TMC1: variants seen among roughly 807,000 people sequenced by gnomAD.
TMC1 encodes transmembrane channel-like protein 1.
In TMC1, 84 loss-of-function variants were observed where a neutral mutation model predicts 105.8. The observed-to-expected ratio is 0.79, with a 90% CI of 0.67 to 0.95. TMC1 has a LOEUF of 0.95. Among genes scored for constraint, TMC1 ranks in the 40% least tolerant of loss-of-function variants. The pLI is 0.00. For synonymous variants in TMC1, 315 were observed against 311.5 expected (o/e 1.01, Z -0.12); for missense variants, 817 against 914.1 (o/e 0.89, Z 1.37).
At chr9:72,779,909 G>C (rs1828064956) in intron 13 of TMC1, among the ~76,000 whole-genome samples, 1 of 152,114 alleles carries the variant, frequency 6.6e-6, no homozygotes, top group South Asian at 2.1e-4. Flanking sequence ...AGAAAATTCA[G>C]AGAACCCCTG....
intron 4 of TMC1, among the ~76,000 whole-genome samples, chr9:72,629,144 G>T (rs1263741637): frequency 2.0e-5 from 3 of 152,102 alleles, no homozygotes; most frequent in Non-Finnish European, 4.4e-5. Flanking sequence ...TTCCAATAGG[G>T]TCTCAAGGAC....
intron 18 of TMC1, among the ~76,000 whole-genome samples, chr9:72,807,436 G>C (rs1828623809): frequency 6.6e-6 from 1 of 152,196 alleles, no homozygotes; most frequent in South Asian, 2.1e-4. Context: ...GAGAAGTTCA[G>C]ACTCGAGTAT....
At chr9:72,551,838 A>G (rs750682675) in intron 1 of TMC1, among the ~76,000 whole-genome samples, 1 of 152,176 alleles carries the variant, frequency 6.6e-6, no homozygotes, top group Non-Finnish European at 1.5e-5. Flanking sequence ...ACATAGACAC[A>G]TAGGGAAAAG....
At chr9:72,609,606 A>C (rs1442173004) in intron 2 of TMC1, among the ~76,000 whole-genome samples, 1 of 152,164 alleles carries the variant, frequency 6.6e-6, no homozygotes, top group Non-Finnish European at 1.5e-5. Flanking sequence ...AGAGGAAAGG[A>C]AAAGATTAAG....
intron 12 of TMC1, among the ~76,000 whole-genome samples, chr9:72,757,582 C>A (rs1467317635): frequency 6.6e-6 from 1 of 152,120 alleles, no homozygotes; most frequent in African/African-American, 2.4e-5. Flanking sequence ...ACACAACATT[C>A]ATTTAGTTTC....
intron 1 of TMC1, among the ~76,000 whole-genome samples, chr9:72,544,478 C>CTT (rs71493656): frequency 0.01 from 1,275 of 125,218 alleles, 31 homozygotes; most frequent in South Asian, 0.015. Flanking sequence ...GATTTTTTAA[C>CTT]TTTTTTTTTT....
chr9:72,567,727 G>A (rs1454760946), intron 1 of TMC1, among the ~76,000 whole-genome samples: 2 of 152,108 alleles, frequency 1.3e-5, no homozygotes, highest in African/African-American at 2.4e-5. Context: ...AATCCAAGGT[G>A]AAATTTTGGT....
intron 18 of TMC1, among the ~76,000 whole-genome samples, chr9:72,806,430 G>A (rs1828589700): frequency 6.6e-6 from 1 of 151,330 alleles, no homozygotes; most frequent in Admixed American, 6.6e-5. Flanking sequence ...CGGACGGGGT[G>A]GCTGCCGGGC....
chr9:72,607,002 T>TATATATATATAGAGAGAGAGAGAGAGAG (rs372785242), intron 2 of TMC1, among the ~76,000 whole-genome samples: 1 of 134,906 alleles, frequency 7.4e-6, no homozygotes, highest in Non-Finnish European at 1.6e-5. Context: ...TATATATATA[T>TATATATATATAGAGAGAGAGAGAGAGAG]AGAGAGAGAG....
chr9:72,764,764 A>G (rs1049543911), intron 12 of TMC1, among the ~76,000 whole-genome samples: 3 of 152,224 alleles, frequency 2.0e-5, no homozygotes, highest in Non-Finnish European at 4.4e-5. Context: ...TGTTCATTCA[A>G]TCACTCCACA....
chr9:72,765,080 C>T (rs958087230), intron 12 of TMC1, among the ~76,000 whole-genome samples: 2 of 152,180 alleles, frequency 1.3e-5, no homozygotes, highest in African/African-American at 2.4e-5. Flanking sequence ...AATTTTTCCA[C>T]ATTCATTATT....
intron 17 of TMC1, among the ~76,000 whole-genome samples, chr9:72,800,999 C>G (rs1828460911): frequency 6.6e-6 from 1 of 152,186 alleles, no homozygotes; most frequent in African/African-American, 2.4e-5. Context: ...GGCAGCTGCT[C>G]TGTATGTAAT....
chr9:72,712,729 T>C (rs1826856062), intron 8 of TMC1, among the ~76,000 whole-genome samples: 1 of 152,204 alleles, frequency 6.6e-6, no homozygotes, highest in Non-Finnish European at 1.5e-5. Flanking sequence ...ACAATGTGAC[T>C]TCCTCTTTTC....
intron 1 of TMC1, among the ~76,000 whole-genome samples, chr9:72,566,738 C>T (rs1029428775): frequency 6.6e-6 from 1 of 152,164 alleles, no homozygotes; most frequent in African/African-American, 2.4e-5. Context: ...CCCTTGTGGA[C>T]TCTGCCACAG....
intron 9 of TMC1, 72 bp from the exon 10 acceptor site, chr9:72,742,372 T>C: frequency 8.4e-7 from 1 of 1,187,450 alleles, no homozygotes; most frequent in Non-Finnish European, 1.2e-6. Flanking sequence ...TTGTAATGTT[T>C]TGAGGTGGGG....
chr9:72,745,529 T>TA (rs1827476640), intron 10 of TMC1, among the ~76,000 whole-genome samples: 2 of 152,156 alleles, frequency 1.3e-5, no homozygotes, highest in Non-Finnish European at 2.9e-5. Flanking sequence ...TAGTGAGTGA[T>TA]TTATTTAATT....
chr9:72,761,590 T>TA (rs1208499511), intron 12 of TMC1, among the ~76,000 whole-genome samples: 2 of 152,216 alleles, frequency 1.3e-5, no homozygotes, highest in African/African-American at 4.8e-5. Context: ...CATTAAATTT[T>TA]ATCCTCATAA....
chr9:72,596,121 C>T (rs971487048), intron 2 of TMC1, among the ~76,000 whole-genome samples: 3 of 152,098 alleles, frequency 2.0e-5, no homozygotes, highest in Admixed American at 6.5e-5. Flanking sequence ...GTGATTTGCC[C>T]GCCTCAGCCT....
intron 4 of TMC1, among the ~76,000 whole-genome samples, 168 bp from the exon 5 acceptor site, chr9:72,648,429 G>A (rs933146668): frequency 6.6e-5 from 10 of 152,088 alleles, no homozygotes; most frequent in South Asian, 2.1e-4. Context: ...TGAGTACTCC[G>A]TCCCTTAAAT....
Sources: gnomAD v4.1 joint callset for allele counts (sites outside exome capture counted in the v4.1 genomes callset) on GRCh38, gnomAD v4.1.1 for gene constraint, MANE v1.5 for transcripts, NCBI Gene and HGNC (gene_info 2026-07-23, HGNC 2026-07-21) for gene names.